Variants in PCNX2 observed in about 807,000 individuals in gnomAD.
PCNX2 encodes the protein pecanex-like protein 2.
In PCNX2, 168 loss-of-function variants were observed where a neutral mutation model predicts 223.8. The observed-to-expected ratio is 0.75, with a 90% CI of 0.66 to 0.85. PCNX2 has a LOEUF of 0.85. Ranked by LOEUF, PCNX2 falls within the 40% of genes least tolerant of loss-of-function variation. The pLI is 0.00. For missense variants in PCNX2, 2,507 were observed against 2,675.5 expected, an observed-to-expected ratio of 0.94 and a Z score of 1.39; for synonymous variants, 1,006 against 1,052.6, an observed-to-expected ratio of 0.96 and a Z score of 0.86.
At chr1:233,224,752 C>T (rs1183574390) in intron 10 of PCNX2, among the ~76,000 whole-genome samples, 1 of 152,074 alleles carries the variant, frequency 6.6e-6, no homozygotes, top group Admixed American at 6.6e-5. Flanking sequence ...AATTATAAAA[C>T]CAGATCACCA....
chr1:233,078,975 G>A (rs1199676431), intron 23 of PCNX2, among the ~76,000 whole-genome samples: 1 of 152,102 alleles, frequency 6.6e-6, no homozygotes, highest in African/African-American at 2.4e-5. Flanking sequence ...TTCATAATTT[G>A]GCTTCTCAGA....
At chr1:233,087,473 C>G (rs1021463263) in intron 23 of PCNX2, among the ~76,000 whole-genome samples, 2 of 152,136 alleles carry the variant, frequency 1.3e-5, no homozygotes, top group African/African-American at 4.8e-5. Flanking sequence ...TTGTATCAGA[C>G]TCAAAAGACG....
intron 14 of PCNX2, 69 bp from the exon 15 acceptor site, chr1:233,199,099 G>T: frequency 7.1e-7 from 1 of 1,398,754 alleles, no homozygotes; most frequent in Non-Finnish European, 9.8e-7. Context: ...GTAAAACAGT[G>T]AAGAGATGGT....
chr1:233,285,061 T>C (rs182613062), intron 1 of PCNX2: 6 of 969,500 alleles, frequency 6.2e-6, no homozygotes, highest in Admixed American at 6.2e-5. Flanking sequence ...GTAGTATAAA[T>C]AAAAAATAGG....
chr1:233,049,040 C>T (rs1008233102), intron 25 of PCNX2, among the ~76,000 whole-genome samples: 1 of 152,100 alleles, frequency 6.6e-6, no homozygotes, highest in African/African-American at 2.4e-5. Flanking sequence ...GGATTCACAA[C>T]TGAATTCTAT....
intron 23 of PCNX2, among the ~76,000 whole-genome samples, chr1:233,085,331 C>CAA (rs11324686): frequency 1.5e-5 from 2 of 132,046 alleles, no homozygotes; most frequent in Non-Finnish European, 1.6e-5. Flanking sequence ...GACTCCGTCT[C>CAA]AAAAAAAAAA....
chr1:233,218,850 T>C (rs1346511149), intron 10 of PCNX2, among the ~76,000 whole-genome samples: 1 of 152,154 alleles, frequency 6.6e-6, no homozygotes, highest in Admixed American at 6.6e-5. Flanking sequence ...CACTGGTTCC[T>C]TTCAATGGAA....
In PCNX2 at chr1:233,066,686, G is replaced by A. The variant is rs142480110; in HGVS notation, c.4077-9396C>T. Among the ~76,000 whole-genome samples, 69 of 152,280 alleles carry A rather than the reference G, an allele frequency of 4.5e-4. 1 individual carries two copies. Among genetic ancestry groups the A allele is most frequent in the Middle Eastern group, 3.4e-3 (1 of 294 alleles). On this transcript the variant is annotated intron_variant, in intron 23 of 33. Transcript: ENST00000258229. Reference sequence around the variant, plus strand: ...CAGGCCAGTAGCGCAAACCAAGCACGGCCTGCTGGGCTGAATGGGTGGAGC... The same window carrying A: ...CAGGCCAGTAGCGCAAACCAAGCACAGCCTGCTGGGCTGAATGGGTGGAGC...
chr1:233,211,957 G>T, intron 12 of PCNX2: 1 of 241,444 alleles, frequency 4.1e-6, no homozygotes, highest in Non-Finnish European at 6.7e-6. Flanking sequence ...CCATTTCTCG[G>T]CTGTTGCCCT....
At chr1:233,120,836 A>C (rs181576220) in intron 21 of PCNX2, among the ~76,000 whole-genome samples, 6 of 152,266 alleles carry the variant, frequency 3.9e-5, no homozygotes, top group African/African-American at 1.4e-4. Context: ...AGAGTAGATT[A>C]AAAAATAAAA....
intron 10 of PCNX2, among the ~76,000 whole-genome samples, chr1:233,225,033 G>C (rs2102941982): frequency 6.8e-6 from 1 of 147,376 alleles, no homozygotes; most frequent in Middle Eastern, 3.6e-3. Flanking sequence ...GAGTTGATAG[G>C]TGCAGCAAAC....
At chr1:232,999,077 G>A (rs748400352) in intron 31 of PCNX2, 28 bp downstream of exon 31, 6 of 1,576,682 alleles carry the variant, frequency 3.8e-6, no homozygotes, top group Non-Finnish European at 5.2e-6. Context: ...CCAGCATCTG[G>A]ACAGAGGCAT....
intron 19 of PCNX2, among the ~76,000 whole-genome samples, chr1:233,143,606 A>T (rs985244253): frequency 6.6e-6 from 1 of 152,174 alleles, no homozygotes; most frequent in Non-Finnish European, 1.5e-5. Flanking sequence ...CCTACAAGTG[A>T]TTCTGATACA....
chr1:233,303,731 T>C, the PCNX2 span, among the ~76,000 whole-genome samples: 2 of 152,190 alleles, frequency 1.3e-5, no homozygotes, highest in Non-Finnish European at 2.9e-5. Context: ...CATGTTGGTG[T>C]GCTGCACTCC....
chr1:233,258,899 C>T lies in PCNX2; in HGVS notation c.963G>A (p.Lys321=). 1 of 1,613,946 alleles carries T rather than the reference C, an allele frequency of 6.2e-7. No individual in the cohort carries two copies. ...ATGTGTCTGCTGGCTCCTCCACAGG[C>T]TTGGCCACGATGGTGTCACATTGAG... ...SCPQCDTIVA[K]PVEEPADTSC... is the part of the protein sequence containing the mutation. Residue 321 remains lysine, a synonymous_variant, in exon 5 of 34, where the codon AAG becomes AAA. Transcript: ENST00000258229.
chr1:233,005,622 T>TCA (rs1670256576), intron 28 of PCNX2, among the ~76,000 whole-genome samples: 1 of 152,098 alleles, frequency 6.6e-6, no homozygotes, highest in Non-Finnish European at 1.5e-5. Flanking sequence ...ACCTTAGAGA[T>TCA]CAAGGCATCC....
chr1:233,190,603 T>C (rs1371129416), intron 15 of PCNX2, among the ~76,000 whole-genome samples: 6 of 152,214 alleles, frequency 3.9e-5, no homozygotes, highest in Non-Finnish European at 7.3e-5. Context: ...CGTTGTTCTA[T>C]GCTGAGAAAG....
At chr1:233,186,495 C>T (rs1680106665) in intron 15 of PCNX2, among the ~76,000 whole-genome samples, 3 of 152,090 alleles carry the variant, frequency 2.0e-5, no homozygotes, top group South Asian at 4.1e-4. Flanking sequence ...GCAATGGATA[C>T]CTTCTAGGCT....
intron 10 of PCNX2, among the ~76,000 whole-genome samples, chr1:233,225,556 C>T (rs1572108717): frequency 6.6e-6 from 1 of 152,106 alleles, no homozygotes; most frequent in South Asian, 2.1e-4. Flanking sequence ...ATTTAAAAAC[C>T]CATTGTAACT....
Sources: gnomAD v4.1 joint callset for allele counts (sites outside exome capture counted in the v4.1 genomes callset) on GRCh38, gnomAD v4.1.1 for gene constraint, MANE v1.5 for transcripts, NCBI Gene and HGNC (gene_info 2026-07-23, HGNC 2026-07-21) for gene names.